The following LARP1B variants were observed in gnomAD, a reference collection of about 807,000 sequenced individuals.
LARP1B encodes the protein La ribonucleoprotein 1B.
A neutral mutation model predicts 114.2 loss-of-function variants in LARP1B; 76 were observed. That is an observed-to-expected ratio of 0.67 (90% confidence interval 0.55 to 0.81). The LOEUF (loss-of-function observed/expected upper bound fraction) is 0.81, where lower values mean the gene tolerates loss of function less well. Among genes scored for constraint, LARP1B ranks in the 30% least tolerant of loss-of-function variants. LARP1B has a pLI of 0.00. For missense variants in LARP1B, 1,014 were observed against 1,075.8 expected (o/e 0.94, Z 0.80); for synonymous variants, 345 against 348.0 (o/e 0.99, Z 0.10).
In LARP1B at chr4:128,199,505, A is replaced by G. The variant is rs1209169140; in HGVS notation, c.2070A>G (p.Ser690=). 4 of 1,605,780 alleles carry G rather than the reference A, an allele frequency of 2.5e-6. No individual in the cohort carries two copies. The highest frequency in any genetic ancestry group is 3.4e-6 in the Non-Finnish European group (4 of 1,175,398). The stretch of plus-strand genomic sequence containing the variant: ...GAAGTTATGGATGTACTCCTCATTC[A>G]TTCCCAAAGTTCCAGCATCCTTCTC... ...LAGSYGCTPH[S]FPKFQHPSHE... is the part of the protein sequence containing the mutation. The change falls in exon 16 of 20, where the codon TCA becomes TCG. Residue 690 remains serine, a synonymous_variant. Coordinates refer to ENST00000326639, the MANE Select transcript of LARP1B (RefSeq NM_018078.4).
intron 3 of LARP1B, among the ~76,000 whole-genome samples, chr4:128,076,871 A>G (rs1005856970): frequency 1.3e-5 from 2 of 152,002 alleles, no homozygotes; most frequent in South Asian, 4.2e-4. Context: ...GACTATAGGC[A>G]TGCACCACCA....
intron 10 of LARP1B, among the ~76,000 whole-genome samples, chr4:128,119,895 A>C (rs1386597745): frequency 6.6e-6 from 1 of 152,208 alleles, no homozygotes; most frequent in Non-Finnish European, 1.5e-5. Context: ...AGTCATCTTC[A>C]ACCCCTAATC....
chr4:128,092,936 G>A (rs1169306260), intron 7 of LARP1B: 4 of 985,184 alleles, frequency 4.1e-6, no homozygotes, highest in East Asian at 1.1e-4. Flanking sequence ...CAGGATAATC[G>A]GCCTCCAGTG....
intron 7 of LARP1B, among the ~76,000 whole-genome samples, chr4:128,092,217 A>C (rs1356645890): frequency 6.6e-6 from 1 of 152,166 alleles, no homozygotes; most frequent in Non-Finnish European, 1.5e-5. Flanking sequence ...AATTAACATA[A>C]ATAAAAAATG....
chr4:128,155,633 CCATCCG>C, intron 11 of LARP1B: 2 of 1,372,136 alleles, frequency 1.5e-6, no homozygotes, highest in Non-Finnish European at 2.1e-6. Flanking sequence ...CAGCCAGGAG[CCATCCG>C]GGCCCTGGGG....
chr4:128,109,793 T>G (rs568163401), intron 9 of LARP1B, among the ~76,000 whole-genome samples: 12 of 152,154 alleles, frequency 7.9e-5, no homozygotes, highest in African/African-American at 2.4e-4. Context: ...AATCCTTTTT[T>G]CAGGAAACCT....
chr4:128,107,167 T>C lies in LARP1B; in HGVS notation c.842T>C (p.Ile281Thr), dbSNP rs1561240203. ...EALKDSTEVEIVDEKMRKKIE... is the reference protein window; with the variant it reads ...EALKDSTEVETVDEKMRKKIE... ...CTGAAGGATAGCACAGAAGTAGAAA[T>C]TGTGGATGAGAAAATGAGAAAAAAG... The change falls in exon 9 of 20, where the codon ATT (isoleucine) becomes ACT (threonine). Residue 281 changes from isoleucine (I) to threonine (T), a missense_variant. Ile to Thr is a moderately conservative substitution (Grantham distance 89). Coordinates refer to ENST00000326639, the MANE Select transcript of LARP1B (RefSeq NM_018078.4). 1.2e-6 allele frequency: 2 copies of C among 1,614,044 alleles called. No homozygotes were observed. Among genetic ancestry groups the C allele is most frequent in the Non-Finnish European group, 1.7e-6 (2 of 1,180,010 alleles).
rs987807813 is a variant in LARP1B, at chr4:128,120,323, C to T, written c.1162-1503C>T. The stretch of plus-strand genomic sequence containing the variant: ...CTGAAGGGTAAAATAGGCCAGAGGA[C>T]GAAAAATGAATGTAACACCAAGTAG... On this transcript the variant is annotated intron_variant, in intron 10 of 19. Coordinates refer to ENST00000326639, the MANE Select transcript of LARP1B (RefSeq NM_018078.4). Among the ~76,000 whole-genome samples the T allele has an allele frequency of 4.0e-5, 6 of 151,866 alleles. No homozygotes were observed. In the East Asian group the frequency reaches 7.7e-4, roughly 20 times the overall value.
chr4:128,161,216 T>C (rs528711082), intron 11 of LARP1B, among the ~76,000 whole-genome samples: 1 of 152,212 alleles, frequency 6.6e-6, no homozygotes, highest in African/African-American at 2.4e-5. Context: ...GGGTGAACCA[T>C]AGGGTTCAAC....
chr4:128,155,792 C>A (rs570538498), intron 11 of LARP1B: 3 of 1,588,582 alleles, frequency 1.9e-6, no homozygotes. Context: ...TTCCTGCAGG[C>A]GGAGACTGAT....
At chr4:128,132,944 A>G (rs1426402140) in intron 11 of LARP1B, among the ~76,000 whole-genome samples, 3 of 151,960 alleles carry the variant, frequency 2.0e-5, no homozygotes, top group African/African-American at 7.3e-5. Context: ...ATGACAGATC[A>G]TCAAGCATTA....
chr4:128,167,513 AGGTTGTCTGTTC>A (rs1741642931), intron 12 of LARP1B, among the ~76,000 whole-genome samples: 1 of 151,960 alleles, frequency 6.6e-6, no homozygotes, highest in African/African-American at 2.4e-5. Flanking sequence ...CTTATTCTGT[AGGTTGTCTGTTC>A]ACTCTGTTGA....
intron 1 of LARP1B, among the ~76,000 whole-genome samples, chr4:128,063,390 T>G (rs1761089107): frequency 9.3e-6 from 1 of 107,220 alleles, no homozygotes; most frequent in Admixed American, 1.5e-4. Flanking sequence ...ATCGCGCCAC[T>G]GCACTCCAGC....
intron 1 of LARP1B, among the ~76,000 whole-genome samples, chr4:128,065,336 CTTTCTTTTCTTTTCTTTTCTTTTCT>C (rs70966072): frequency 2.8e-5 from 3 of 108,054 alleles, no homozygotes; most frequent in Admixed American, 9.7e-5. Flanking sequence ...TCTCTCTTTC[CTTTCTTTTCTTTTCTTTTCTTTTCT>C]TTTCTTTTCT....
intron 12 of LARP1B, among the ~76,000 whole-genome samples, chr4:128,173,711 G>A (rs1247240302): frequency 2.0e-5 from 3 of 152,180 alleles, no homozygotes; most frequent in African/African-American, 7.2e-5. Flanking sequence ...AGTAAGTTAG[G>A]TGGGATATGA....
At chr4:128,131,939 C>T (rs757812851) in intron 11 of LARP1B, among the ~76,000 whole-genome samples, 1 of 152,142 alleles carries the variant, frequency 6.6e-6, no homozygotes, top group Non-Finnish European at 1.5e-5. Flanking sequence ...GAAATTGGAA[C>T]CCTTATACTC....
chr4:128,092,890 C>T, intron 7 of LARP1B: 3 of 985,442 alleles, frequency 3.0e-6, no homozygotes, highest in Non-Finnish European at 3.6e-6. Flanking sequence ...TGCCAAGTCC[C>T]TTCTGAGACC....
At chr4:128,129,213 T>C (rs1199124314) in intron 11 of LARP1B, among the ~76,000 whole-genome samples, 3 of 129,446 alleles carry the variant, frequency 2.3e-5, no homozygotes, top group Non-Finnish European at 4.7e-5. Flanking sequence ...AATTCAGCCG[T>C]GCGTGGTGGC....
intron 1 of LARP1B, chr4:128,062,015 C>T (rs1346133280): frequency 4.1e-6 from 4 of 984,804 alleles, no homozygotes; most frequent in Non-Finnish European, 4.8e-6. Flanking sequence ...GCCACCGCCA[C>T]CGCCGCCGCC....
Sources: allele counts gnomAD v4.1 joint callset (sites outside exome capture counted in the v4.1 genomes callset), GRCh38; gene constraint gnomAD v4.1.1; transcripts MANE v1.5; gene names NCBI Gene and HGNC (gene_info 2026-07-23, HGNC 2026-07-21).